GOLIM4: variants seen among roughly 807,000 people sequenced by gnomAD.
The protein encoded by GOLIM4 is golgi integral membrane protein 4.
A neutral mutation model predicts 107.4 loss-of-function variants in GOLIM4; 71 were observed. The observed-to-expected ratio is 0.66, with a 90% CI of 0.55 to 0.81. The LOEUF (loss-of-function observed/expected upper bound fraction) is 0.81, where lower values mean the gene tolerates loss of function less well. Ranked by LOEUF, GOLIM4 falls within the 30% of genes least tolerant of loss-of-function variation. GOLIM4 has a pLI of 0.00. For synonymous variants in GOLIM4, 327 were observed against 294.8 expected (o/e 1.11, Z -1.12); for missense variants, 830 against 826.1 (o/e 1.00, Z -0.06).
intron 14 of GOLIM4, among the ~76,000 whole-genome samples, chr3:168,017,347 T>A (rs1469179199): frequency 6.6e-6 from 1 of 152,060 alleles, no homozygotes; most frequent in Non-Finnish European, 1.5e-5. Context: ...TAAAATTAGC[T>A]GGGCCTAGTG....
At chr3:168,043,052 T>C (rs770657240) in intron 5 of GOLIM4, among the ~76,000 whole-genome samples, 1 of 152,204 alleles carries the variant, frequency 6.6e-6, no homozygotes, top group East Asian at 1.9e-4. Flanking sequence ...CATTATAGCA[T>C]TTAGTAGGTA....
Position 168,010,149 on chromosome 3 carries a change from T to A in GOLIM4, c.*120A>T. On this transcript the variant is annotated 3_prime_UTR_variant, in exon 16 of 16. Transcript: ENST00000470487. ...ATGCGCATTTCTAATACAAAAGTTT[T>A]AAAAAAGTCTAAGTTCTTAATTTTT... The A allele has an allele frequency of 1.1e-6, 1 of 875,804 alleles. No individual in the cohort carries two copies. Among genetic ancestry groups the A allele is most frequent in the Non-Finnish European group, 1.7e-6 (1 of 584,288 alleles). The allele number at this position is 875,804 out of a possible 1,614,324, so 54.3% of individuals were successfully genotyped here.
At chr3:168,017,450 AC>A (rs1717435902) in intron 14 of GOLIM4, among the ~76,000 whole-genome samples, 1 of 152,208 alleles carries the variant, frequency 6.6e-6, no homozygotes, top group South Asian at 2.1e-4. Flanking sequence ...TGTTTGTGTC[AC>A]TGCACAACAG....
intron 15 of GOLIM4, 43 bp downstream of exon 15, chr3:168,010,700 C>A: frequency 7.1e-7 from 1 of 1,400,884 alleles, no homozygotes; most frequent in Non-Finnish European, 1.0e-6. Context: ...TGCACACCCA[C>A]AAACACTCAA....
chr3:168,084,978 G>C (rs1417231261), intron 1 of GOLIM4, among the ~76,000 whole-genome samples: 1 of 151,964 alleles, frequency 6.6e-6, no homozygotes, highest in East Asian at 1.9e-4. Flanking sequence ...AAATGTGCCA[G>C]ATGAACTGAC....
Position 168,010,333 on chromosome 3 carries a change from T to C in GOLIM4, c.2027A>G (p.Glu676Gly), listed in dbSNP as rs1716923570. Residue 676 changes from glutamate (E) to glycine (G), a missense_variant, in exon 16 of 16, where the codon GAA (glutamate) becomes GGA (glycine). Glu to Gly is a moderately conservative substitution (Grantham distance 98, BLOSUM62 -2). Coordinates refer to ENST00000470487, the MANE Select transcript of GOLIM4 (RefSeq NM_014498.5). The stretch of plus-strand genomic sequence containing the variant: ...AGCCCCGTCTTCTTCCTCCTCTTCT[T>C]CCTCCTCGTAGTGTTCCTCTCGGCC... ...PKGREEHYEEEEEEEEDGAAV... is the reference protein window; with the variant it reads ...PKGREEHYEEGEEEEEDGAAV... 1.2e-6 allele frequency: 2 copies of C among 1,613,966 alleles called. No homozygotes were observed.
rs76249123 is a variant in GOLIM4, at chr3:168,081,341, G to A, written c.187+13758C>T. 2.6e-3 allele frequency among the ~76,000 whole-genome samples: 393 copies of A among 152,330 alleles called. 1 individual carries two copies. Among genetic ancestry groups the A allele is most frequent in the Admixed American group, 5.4e-3 (83 of 15,294 alleles). ...GAGACTGACAGCGGAAAGCTGCAGAGGTGAAGCAGAAATTAGTAGCATGAG... is the reference window on the plus strand; with the variant it reads ...GAGACTGACAGCGGAAAGCTGCAGAAGTGAAGCAGAAATTAGTAGCATGAG... On this transcript the variant is annotated intron_variant, in intron 1 of 15. Transcript: ENST00000470487.
At chr3:168,055,430 T>C (rs557269377) in intron 1 of GOLIM4, among the ~76,000 whole-genome samples, 63 of 152,256 alleles carry the variant, frequency 4.1e-4, no homozygotes, top group Non-Finnish European at 1.9e-4. Context: ...GACCTAGAGA[T>C]CTGTGGAACT....
At chr3:168,060,307 C>A (rs1160249822) in intron 1 of GOLIM4, among the ~76,000 whole-genome samples, 1 of 152,038 alleles carries the variant, frequency 6.6e-6, no homozygotes, top group African/African-American at 2.4e-5. Flanking sequence ...GTACAAGATG[C>A]AAGCAGGGAA....
chr3:168,085,129 T>TA (rs1256899636), intron 1 of GOLIM4, among the ~76,000 whole-genome samples: 4 of 152,278 alleles, frequency 2.6e-5, no homozygotes, highest in Admixed American at 1.3e-4. Context: ...ACTTGATAGT[T>TA]ACGAAAATTC....
chr3:168,052,393 C>G (rs28514856), intron 1 of GOLIM4, among the ~76,000 whole-genome samples: 1 of 151,556 alleles, frequency 6.6e-6, no homozygotes, highest in Non-Finnish European at 1.5e-5. Flanking sequence ...CTCTCTCACA[C>G]ACACACTCTC....
chr3:168,078,886 C>A (rs961800183), intron 1 of GOLIM4, among the ~76,000 whole-genome samples: 1 of 152,148 alleles, frequency 6.6e-6, no homozygotes, highest in African/African-American at 2.4e-5. Flanking sequence ...TGCAGCTTAT[C>A]CCCTGGCTTA....
chr3:168,080,269 T>C (rs1166589756), intron 1 of GOLIM4, among the ~76,000 whole-genome samples: 1 of 152,168 alleles, frequency 6.6e-6, no homozygotes, highest in African/African-American at 2.4e-5. Flanking sequence ...TGTCTGTAAC[T>C]CTTAAATATC....
intron 10 of GOLIM4, 96 bp from the exon 11 acceptor site, chr3:168,029,398 G>T: frequency 1.4e-6 from 1 of 737,934 alleles, no homozygotes; most frequent in Non-Finnish European, 2.2e-6. Flanking sequence ...AATAAGTAAT[G>T]TTTCTCAACA....
intron 1 of GOLIM4, among the ~76,000 whole-genome samples, chr3:168,068,111 A>T (rs1720643184): frequency 6.6e-6 from 1 of 152,156 alleles, no homozygotes; most frequent in Non-Finnish European, 1.5e-5. Flanking sequence ...ATTTAAATTA[A>T]TGTATACAAT....
chr3:168,089,893 G>C (rs1030134624), intron 1 of GOLIM4, among the ~76,000 whole-genome samples: 1 of 151,380 alleles, frequency 6.6e-6, no homozygotes, highest in African/African-American at 2.4e-5. Flanking sequence ...TCAGCCTCCT[G>C]AGTAGCTGGG....
chr3:168,051,714 C>T (rs1052282734), intron 1 of GOLIM4, among the ~76,000 whole-genome samples: 2 of 152,124 alleles, frequency 1.3e-5, no homozygotes, highest in African/African-American at 2.4e-5. Context: ...GACAAGCCGT[C>T]GTTATAACAG....
At position 168,010,696 on chromosome 3, in the gene GOLIM4, C is replaced by T. The variant is rs1026551480; in HGVS notation, c.1941+47G>A. ...TATATCTCTCCTATACACATGCACACCCACAAACACTCAAGTGCTCAATAG... is the reference window on the plus strand; with the variant it reads ...TATATCTCTCCTATACACATGCACATCCACAAACACTCAAGTGCTCAATAG... On this transcript the variant is annotated intron_variant, in intron 15 of 15. Transcript: ENST00000470487. 22 of 1,340,706 alleles carry T rather than the reference C, an allele frequency of 1.6e-5. No homozygotes were observed. The Admixed American group carries it at 2.3e-4, about 14-fold the overall frequency. The allele number at this position is 1,340,706 out of a possible 1,614,324, so 83.1% of individuals were successfully genotyped here.
chr3:168,043,856 T>C (rs1719158481), intron 4 of GOLIM4, among the ~76,000 whole-genome samples: 1 of 152,206 alleles, frequency 6.6e-6, no homozygotes, highest in South Asian at 2.1e-4. Context: ...ATGGCAAAAT[T>C]ATCCCTCCCT....
Sources: gnomAD v4.1 joint callset for allele counts (sites outside exome capture counted in the v4.1 genomes callset) on GRCh38, gnomAD v4.1.1 for gene constraint, MANE v1.5 for transcripts, NCBI Gene and HGNC (gene_info 2026-07-23, HGNC 2026-07-21) for gene names.